The following NCAM1 variants were observed in gnomAD, a reference collection of about 807,000 sequenced individuals.
NCAM1 encodes neural cell adhesion molecule 1.
In NCAM1, 14 loss-of-function variants were observed where a neutral mutation model predicts 109.8. The observed-to-expected ratio is 0.13, with a 90% CI of 0.08 to 0.20. The LOEUF is 0.20. NCAM1 is among the 10% of genes least tolerant of loss of function. The pLI is 1.00. For synonymous variants in NCAM1, 418 were observed against 442.9 expected (o/e 0.94, Z 0.70); for missense variants, 774 against 1,109.9 (o/e 0.70, Z 4.30).
At chr11:113,237,923 GAT>G (rs1456993954) in intron 14 of NCAM1, among the ~76,000 whole-genome samples, 276 of 21,780 alleles carry the variant, frequency 0.013, 3 homozygotes, top group Middle Eastern at 0.079. Flanking sequence ...TAGATATATA[GAT>G]ATAGATATAT....
intron 1 of NCAM1, among the ~76,000 whole-genome samples, chr11:113,024,918 T>G (rs1952491302): frequency 6.6e-6 from 1 of 152,234 alleles, no homozygotes; most frequent in Non-Finnish European, 1.5e-5. Context: ...TTGCTTCAAA[T>G]TCTGTAGTCT....
chr11:113,112,816 CT>C (rs1940504418), intron 1 of NCAM1, among the ~76,000 whole-genome samples: 2 of 152,016 alleles, frequency 1.3e-5, no homozygotes, highest in Admixed American at 1.3e-4. Context: ...AATCCCCCAA[CT>C]TTTGGAAAGC....
In NCAM1 at chr11:113,051,038, A is replaced by G. The variant is rs1198265025; in HGVS notation, c.52+89374A>G. On this transcript the variant is annotated intron_variant, in intron 1 of 19. Coordinates refer to ENST00000316851, the MANE Select transcript of NCAM1 (RefSeq NM_181351.5). ...AATGTACAGCATACAACACACTGCT[A>G]TAGGGAACCCATGGACTAGCTTTGG... Among the ~76,000 whole-genome samples the G allele has an allele frequency of 2.6e-5, 4 of 152,318 alleles. No individual in the cohort carries two copies. In the South Asian group the frequency reaches 6.2e-4, roughly 24 times the overall value.
rs139948737 is a variant in NCAM1 at position 113,185,704 on chromosome 11, A to G, written c.53-16675A>G. On this transcript the variant is annotated intron_variant, in intron 1 of 19. Transcript: ENST00000316851. The stretch of plus-strand genomic sequence containing the variant: ...ATTAGAATGATTGTAAAAATAAGCA[A>G]TTCCAGGAAGGGGCTTGAAGAGTTT... Among the ~76,000 whole-genome samples, 27 of 152,322 alleles carry G rather than the reference A, an allele frequency of 1.8e-4. 1 individual carries two copies. Among genetic ancestry groups the G allele is most frequent in the African/African-American group, 6.5e-4 (27 of 41,576 alleles).
intron 1 of NCAM1, among the ~76,000 whole-genome samples, chr11:112,975,847 T>C (rs1950991980): frequency 2.0e-5 from 3 of 152,028 alleles, no homozygotes; most frequent in Admixed American, 1.3e-4. Flanking sequence ...ATTTTTATTA[T>C]TTGTATTCCT....
chr11:113,124,862 C>A (rs1232837924), intron 1 of NCAM1, among the ~76,000 whole-genome samples: 24 of 152,192 alleles, frequency 1.6e-4, no homozygotes, highest in Admixed American at 9.8e-4. Flanking sequence ...AATTTCTCAG[C>A]AGTACATTGA....
chr11:113,048,561 G>A (rs1184348231), intron 1 of NCAM1, among the ~76,000 whole-genome samples: 5 of 152,136 alleles, frequency 3.3e-5, no homozygotes, highest in African/African-American at 9.7e-5. Context: ...TCCATCTTGC[G>A]AGGCCTACAG....
chr11:113,171,988 G>A (rs1943010289), intron 1 of NCAM1, among the ~76,000 whole-genome samples: 3 of 152,140 alleles, frequency 2.0e-5, no homozygotes, highest in South Asian at 4.1e-4. Flanking sequence ...ATGCTACCAC[G>A]AGTTAAGGAA....
chr11:113,023,862 T>TG (rs1272336100), intron 1 of NCAM1, among the ~76,000 whole-genome samples: 1 of 151,402 alleles, frequency 6.6e-6, no homozygotes, highest in African/African-American at 2.4e-5. Flanking sequence ...TCTCCCTCAT[T>TG]GGGGGTCAAT....
chr11:113,236,418 G>A, intron 14 of NCAM1: 1 of 1,264,318 alleles, frequency 7.9e-7, no homozygotes, highest in Non-Finnish European at 1.2e-6. Flanking sequence ...CCTAGAGGCT[G>A]AAGTAGATGA....
intron 14 of NCAM1, chr11:113,243,458 C>A: frequency 2.4e-6 from 1 of 424,790 alleles, no homozygotes. Context: ...CTAATCCAGG[C>A]TCCCCTTGGG....
chr11:113,117,790 A>G (rs1555095212), intron 1 of NCAM1, among the ~76,000 whole-genome samples: 1 of 152,050 alleles, frequency 6.6e-6, no homozygotes, highest in African/African-American at 2.4e-5. Flanking sequence ...ACACTGACCT[A>G]TGAAAGTCAA....
chr11:112,996,214 A>G (rs1165061817), intron 1 of NCAM1, among the ~76,000 whole-genome samples: 1 of 152,156 alleles, frequency 6.6e-6, no homozygotes, highest in Non-Finnish European at 1.5e-5. Context: ...AACTTTTCCT[A>G]CTTAGCATTA....
chr11:113,220,600 C>T (rs782375999), intron 8 of NCAM1, among the ~76,000 whole-genome samples: 61 of 102,358 alleles, frequency 6.0e-4, no homozygotes, highest in African/African-American at 2.5e-3. Flanking sequence ...CTCTCTCTCT[C>T]TCTTTTTTTT....
intron 1 of NCAM1, among the ~76,000 whole-genome samples, chr11:113,131,918 A>T (rs1941402127): frequency 6.6e-6 from 1 of 152,188 alleles, no homozygotes; most frequent in Admixed American, 6.5e-5. Flanking sequence ...GTAGGTTTGG[A>T]GGACAGTTAG....
At chr11:113,249,267 G>T (rs1330495266) in intron 15 of NCAM1, among the ~76,000 whole-genome samples, 1 of 152,118 alleles carries the variant, frequency 6.6e-6, no homozygotes, top group East Asian at 1.9e-4. Flanking sequence ...TGTCTGGATT[G>T]CCACGATCTC....
chr11:113,033,464 A>T (rs1254956033), intron 1 of NCAM1, among the ~76,000 whole-genome samples: 2 of 152,216 alleles, frequency 1.3e-5, no homozygotes, highest in Admixed American at 1.3e-4. Flanking sequence ...ATGAAAATAT[A>T]CAAGTTTCTT....
intron 1 of NCAM1, among the ~76,000 whole-genome samples, chr11:113,175,722 A>G (rs1313226474): frequency 6.6e-6 from 1 of 152,220 alleles, no homozygotes; most frequent in Non-Finnish European, 1.5e-5. Context: ...AAAAACATCA[A>G]TCATACTCCC....
chr11:113,177,949 A>C (rs1331165618), intron 1 of NCAM1, among the ~76,000 whole-genome samples: 7 of 152,246 alleles, frequency 4.6e-5, no homozygotes, highest in Middle Eastern at 6.8e-3. Flanking sequence ...GCAGTGAAAG[A>C]GGGATTCACT....
Sources: gnomAD v4.1 joint callset for allele counts (sites outside exome capture counted in the v4.1 genomes callset) on GRCh38, gnomAD v4.1.1 for gene constraint, MANE v1.5 for transcripts, NCBI Gene and HGNC (gene_info 2026-07-23, HGNC 2026-07-21) for gene names.